Variants in UBXN8 observed in about 807,000 individuals in gnomAD.
UBXN8 encodes UBX domain protein 8, also known as UBX domain-containing protein 8.
A neutral mutation model predicts 32.1 loss-of-function variants in UBXN8; 27 were observed. The ratio of observed to expected loss-of-function variants is 0.84; its 90% CI spans 0.62 to 1.16. UBXN8 has a LOEUF of 1.16. Ranked by LOEUF, UBXN8 falls within the 50% of genes most tolerant of loss-of-function variation. The pLI is 0.00. For synonymous variants in UBXN8, 109 were observed against 111.8 expected (o/e 0.98, Z 0.16); for missense variants, 306 against 311.4 (o/e 0.98, Z 0.13).
At chr8:30,749,575 G>A (rs779390110) in intron 1 of UBXN8, among the ~76,000 whole-genome samples, 1 of 150,164 alleles carries the variant, frequency 6.7e-6, no homozygotes, top group Admixed American at 6.7e-5. Flanking sequence ...GATTATCATA[G>A]AACTAGAATT....
intron 1 of UBXN8, among the ~76,000 whole-genome samples, chr8:30,739,047 A>C (rs562585924): frequency 6.6e-6 from 1 of 150,872 alleles, no homozygotes; most frequent in African/African-American, 2.4e-5. Flanking sequence ...ATTTTAACTC[A>C]ATTATACCTC....
At chr8:30,765,694 C>T (rs1355408092) in intron 7 of UBXN8, among the ~76,000 whole-genome samples, 1 of 151,640 alleles carries the variant, frequency 6.6e-6, no homozygotes, top group Non-Finnish European at 1.5e-5. Flanking sequence ...CCTGGGATTA[C>T]AGGTGCCCGC....
Position 30,744,205 on chromosome 8 carries a change from G to A in UBXN8, c.16G>A (p.Val6Ile). MASRG[V>I]VGIFFLSAVP... ...TTCCGCCACCATGGCTTCACGTGGG[G>A]TTGTTGGCATTTTCTTCCTCTCTGC... is the stretch of plus-strand genomic sequence containing the variant. Residue 6 changes from valine (V) to isoleucine (I), a missense_variant, in exon 1 of 8, where the codon GTT becomes ATT. Physicochemically the swap from Val to Ile is conservative, Grantham distance 29. Transcript: ENST00000265616. 1 of 1,613,686 alleles carries A rather than the reference G, an allele frequency of 6.2e-7. No individual in the cohort carries two copies. The highest frequency in any genetic ancestry group is 8.5e-7 in the Non-Finnish European group (1 of 1,179,804).
At chr8:30,736,194 T>C (rs1363987753) in intron 1 of UBXN8, among the ~76,000 whole-genome samples, 1 of 152,064 alleles carries the variant, frequency 6.6e-6, no homozygotes, top group Admixed American at 6.6e-5. Context: ...TAACTAAACG[T>C]GGAATTAACA....
intron 5 of UBXN8, among the ~76,000 whole-genome samples, chr8:30,757,448 A>C (rs1414088458): frequency 1.3e-5 from 2 of 152,114 alleles, no homozygotes; most frequent in African/African-American, 4.8e-5. Flanking sequence ...GCTACTGAGG[A>C]GGCTGAGACA....
chr8:30,744,064 C>G (rs1162560990), upstream of UBXN8: 23 of 780,996 alleles, frequency 2.9e-5, no homozygotes, highest in Non-Finnish European at 4.3e-5. Flanking sequence ...ACGACACGGC[C>G]GTCAGTATTT....
chr8:30,734,488 G>C (rs2956001), intron 1 of UBXN8, among the ~76,000 whole-genome samples: 148,640 of 152,116 alleles, frequency 0.98, 72,717 homozygotes, highest in Middle Eastern at 1. Flanking sequence ...GGTGTGGTGG[G>C]ATACACCTGT....
In UBXN8 at chr8:30,766,396, A is replaced by T. The variant is rs778322864; in HGVS notation, c.*2A>T. 6.3e-7 allele frequency: 1 copy of T among 1,592,996 alleles called. No individual in the cohort carries two copies. Among genetic ancestry groups the T allele is most frequent in the South Asian group, 1.1e-5 (1 of 88,776 alleles). On this transcript the variant is annotated 3_prime_UTR_variant, in exon 8 of 8. Coordinates refer to ENST00000265616, the MANE Select transcript of UBXN8 (RefSeq NM_005671.4). Reference sequence around the variant, plus strand: ...GAGGAGAAGGAGCAGACCAACTAGGAAAGAAGGGAGAGCTCCCTGTTTGCA... The same window carrying T: ...GAGGAGAAGGAGCAGACCAACTAGGTAAGAAGGGAGAGCTCCCTGTTTGCA...
intron 6 of UBXN8, among the ~76,000 whole-genome samples, chr8:30,762,328 G>C (rs1303805780): frequency 6.6e-6 from 1 of 151,974 alleles, no homozygotes; most frequent in Non-Finnish European, 1.5e-5. Flanking sequence ...CTCTCACCTT[G>C]GCCTCCCCAA....
At chr8:30,763,761 C>T (rs367925485) in intron 7 of UBXN8, among the ~76,000 whole-genome samples, 7 of 152,076 alleles carry the variant, frequency 4.6e-5, no homozygotes, top group East Asian at 1.9e-4. Context: ...GAGGCCAAGG[C>T]GGGCAGATCA....
intron 1 of UBXN8, among the ~76,000 whole-genome samples, chr8:30,750,205 C>T (rs1269194717): frequency 1.3e-5 from 2 of 151,970 alleles, no homozygotes; most frequent in Non-Finnish European, 2.9e-5. Flanking sequence ...GGTGTGGTGG[C>T]TCACACCTAC....
rs185752465 is a variant in UBXN8 at position 30,761,836 on chromosome 8, G to C, written c.570+907G>C. ...TTTAATTTAGGGGTGGTTTGCTGTT[G>C]GGGGCTGGGCTGGGACTGATCCCCA... On this transcript the variant is annotated intron_variant, in intron 6 of 7. Transcript: ENST00000265616. Among the ~76,000 whole-genome samples the C allele has an allele frequency of 8.5e-4, 129 of 152,220 alleles. 1 individual carries two copies. Among genetic ancestry groups the C allele is most frequent in the Admixed American group, 4.3e-3 (65 of 15,270 alleles).
At chr8:30,744,418 A>T in intron 1 of UBXN8, 141 bp downstream of exon 1, 1 of 778,978 alleles carries the variant, frequency 1.3e-6, no homozygotes, top group East Asian at 2.7e-5. Context: ...CTGCCCCCCC[A>T]CTTCCGGAGC....
chr8:30,754,480 C>T, intron 3 of UBXN8, 185 bp from the exon 4 acceptor site: 1 of 705,292 alleles, frequency 1.4e-6, no homozygotes. Context: ...AAACAAATGC[C>T]TGTCCCGCTT....
chr8:30,730,875 A>G (rs1408305689), upstream of UBXN8, among the ~76,000 whole-genome samples: 3 of 152,272 alleles, frequency 2.0e-5, no homozygotes, highest in Non-Finnish European at 4.4e-5. Flanking sequence ...ACACATCACA[A>G]TTATTAGAAA....
At chr8:30,750,963 G>A (rs1805506442) in intron 1 of UBXN8, among the ~76,000 whole-genome samples, 1 of 152,062 alleles carries the variant, frequency 6.6e-6, no homozygotes, top group South Asian at 2.1e-4. Context: ...ACATTGTATT[G>A]GGTAGTATAT....
At chr8:30,741,955 T>C (rs1408322503), upstream of UBXN8, among the ~76,000 whole-genome samples, 1 of 152,100 alleles carries the variant, frequency 6.6e-6, no homozygotes, top group Non-Finnish European at 1.5e-5. Flanking sequence ...AGAGATTCAA[T>C]GGCGCCATCA....
At chr8:30,750,422 C>A (rs1382719157) in intron 1 of UBXN8, among the ~76,000 whole-genome samples, 1 of 152,044 alleles carries the variant, frequency 6.6e-6, no homozygotes, top group Non-Finnish European at 1.5e-5. Flanking sequence ...CTGCAGTGAG[C>A]CGTGGTCTCA....
chr8:30,742,630 C>A (rs1451531027), upstream of UBXN8, among the ~76,000 whole-genome samples: 1 of 152,160 alleles, frequency 6.6e-6, no homozygotes, highest in Non-Finnish European at 1.5e-5. Context: ...GAGTGAGCTA[C>A]CGCGCCCGGC....
Sources: gnomAD v4.1 joint callset for allele counts (sites outside exome capture counted in the v4.1 genomes callset) on GRCh38, gnomAD v4.1.1 for gene constraint, MANE v1.5 for transcripts, NCBI Gene and HGNC (gene_info 2026-07-23, HGNC 2026-07-21) for gene names.